The following WNK1 variants were observed in gnomAD, a reference collection of about 807,000 sequenced individuals.
The protein encoded by WNK1 is serine/threonine-protein kinase WNK1.
WNK1 carries 38 observed loss-of-function variants against 222.8 expected under a neutral mutation model. That is an observed-to-expected ratio of 0.17 (90% CI 0.13 to 0.22). The LOEUF (loss-of-function observed/expected upper bound fraction) is 0.22. Ranked by LOEUF, WNK1 falls within the 10% of genes least tolerant of loss-of-function variation. The probability of loss-of-function intolerance (pLI) is 1.00; values close to 1 mark genes in which losing one functional copy is unlikely to be tolerated. For missense variants in WNK1, 2,348 were observed against 2,918.4 expected, an observed-to-expected ratio of 0.80 and a Z score of 4.50; for synonymous variants, 1,090 against 1,092.9, an observed-to-expected ratio of 1.00 and a Z score of 0.05.
rs936429012 is a variant in WNK1 at position 908,480 on chromosome 12, T to C, written c.6837T>C (p.Pro2279=). The C allele has an allele frequency of 1.9e-6, 3 of 1,614,214 alleles. No individual in the cohort carries two copies. In the Admixed American group the frequency reaches 5.0e-5, roughly 27 times the overall value. ...GSKGHMNYEG[P]GMARKFSAPG... is the part of the protein sequence containing the mutation. ...CGTGGTGGTTTTGTTTTCAGGGCCC[T>C]GGAATGGCAAGGAAGTTCTCTGCAC... is the stretch of plus-strand genomic sequence containing the variant. Residue 2279 remains proline (P), a synonymous_variant, in exon 28 of 28, where the codon CCT becomes CCC. Transcript: ENST00000315939.
rs539144395 is a variant in WNK1, at chr12:831,937, C to T, written c.1311+1777C>T. Reference sequence around the variant, plus strand: ...TGGTGCTGTATATGTTATATTGCACCGAGAAGCTCATAGTATCTCATTATT... The same window carrying T: ...TGGTGCTGTATATGTTATATTGCACTGAGAAGCTCATAGTATCTCATTATT... On this transcript the variant is annotated intron_variant, in intron 4 of 27. Coordinates refer to ENST00000315939, the MANE Select transcript of WNK1 (RefSeq NM_018979.4). Among the ~76,000 whole-genome samples the T allele has an allele frequency of 1.8e-4, 28 of 151,482 alleles. 1 individual carries two copies. The highest frequency in any genetic ancestry group is 6.3e-4 in the South Asian group (3 of 4,796).
chr12:820,633 C>G (rs1038440915), intron 2 of WNK1, among the ~76,000 whole-genome samples: 1 of 151,880 alleles, frequency 6.6e-6, no homozygotes, highest in African/African-American at 2.4e-5. Flanking sequence ...TACCACCATG[C>G]CTGGCTAATT....
At chr12:773,577 C>T (rs1375369062) in intron 1 of WNK1, among the ~76,000 whole-genome samples, 1 of 152,108 alleles carries the variant, frequency 6.6e-6, no homozygotes, top group Non-Finnish European at 1.5e-5. Flanking sequence ...CACTAAAAGA[C>T]AATGTCGATA....
At position 757,765 on chromosome 12, in the gene WNK1, C is replaced by T. The variant is rs927055869; in HGVS notation, c.759+3441C>T. On this transcript the variant is annotated intron_variant, in intron 1 of 27. Transcript: ENST00000315939. Reference sequence around the variant, plus strand: ...AAGAAAACATTGATGGAGCCGGGTGCGGTGGCTCACGCCTGTAATCCCAGC... The same window carrying T: ...AAGAAAACATTGATGGAGCCGGGTGTGGTGGCTCACGCCTGTAATCCCAGC... 4.4e-4 allele frequency among the ~76,000 whole-genome samples: 65 copies of T among 147,046 alleles called. 1 individual carries two copies. Among genetic ancestry groups the T allele is most frequent in the African/African-American group, 1.4e-3 (56 of 41,106 alleles).
At chr12:864,757 G>A (rs1951499651) in intron 8 of WNK1, among the ~76,000 whole-genome samples, 1 of 152,164 alleles carries the variant, frequency 6.6e-6, no homozygotes, top group Admixed American at 6.5e-5. Context: ...AAAGTTGCAA[G>A]CTAATATTCA....
At chr12:844,005 C>T (rs1330252895) in intron 4 of WNK1, among the ~76,000 whole-genome samples, 3 of 151,988 alleles carry the variant, frequency 2.0e-5, no homozygotes, top group African/African-American at 7.3e-5. Context: ...TTCAGTCATT[C>T]ATGTAAACTT....
At chr12:906,358 C>T in intron 26 of WNK1, 2 of 985,258 alleles carry the variant, frequency 2.0e-6, no homozygotes. Flanking sequence ...GCATAGACTC[C>T]CTCCTCTCTC....
At position 879,598 on chromosome 12, in the gene WNK1, C is replaced by T; in HGVS notation, c.2399C>T (p.Thr800Ile). Residue 800 changes from threonine (T) to isoleucine (I), a missense_variant, in exon 11 of 28, where the codon ACT becomes ATT. Thr to Ile is a moderately conservative substitution (Grantham distance 89). Coordinates refer to ENST00000315939, the MANE Select transcript of WNK1 (RefSeq NM_018979.4). ...CTTCCAGTTTCCCAGCCAGTACCAA[C>T]TATCCAAGGCGAACCTCAGATCCCA... ...KQLPVSQPVP[T>I]IQGEPQIPVA... The T allele has an allele frequency of 6.9e-7, 1 of 1,458,864 alleles. No homozygotes were observed. Among genetic ancestry groups the T allele is most frequent in the Non-Finnish European group, 9.2e-7 (1 of 1,085,676 alleles). 90.4% of individuals were successfully genotyped at this position (1,458,864 alleles called of 1,614,324 possible).
At chr12:868,542 G>C in intron 8 of WNK1, 1 of 1,613,854 alleles carries the variant, frequency 6.2e-7, no homozygotes, top group Non-Finnish European at 8.5e-7. Context: ...GATGCTACAC[G>C]TTTGAAATTT....
chr12:863,806 T>C lies in WNK1; in HGVS notation c.2139+1536T>C, dbSNP rs1951403005. Among the ~76,000 whole-genome samples, 3 of 152,292 alleles carry C rather than the reference T, an allele frequency of 2.0e-5. No individual in the cohort carries two copies. The South Asian group carries it at 6.2e-4, about 32-fold the overall frequency. ...TCTTGTCTCATTTCAGGAATGTGGC[T>C]TACAATAATATGGACAAATTATAAG... On this transcript the variant is annotated intron_variant, in intron 8 of 27. Transcript: ENST00000315939.
chr12:842,051 G>A (rs1321522805), intron 4 of WNK1, among the ~76,000 whole-genome samples: 1 of 152,170 alleles, frequency 6.6e-6, no homozygotes, highest in African/African-American at 2.4e-5. Context: ...ATCGTTGTTT[G>A]TATTCATTGT....
chr12:766,904 G>A (rs1032554924), intron 1 of WNK1, among the ~76,000 whole-genome samples: 1 of 152,062 alleles, frequency 6.6e-6, no homozygotes, highest in Non-Finnish European at 1.5e-5. Flanking sequence ...AGCCTCCCAA[G>A]CAGCTGGGAT....
chr12:757,820 G>A (rs1233094821), intron 1 of WNK1, among the ~76,000 whole-genome samples: 5 of 146,580 alleles, frequency 3.4e-5, no homozygotes, highest in East Asian at 3.9e-4. Flanking sequence ...GGTGGATCAC[G>A]CGGTCAGGAG....
intron 8 of WNK1, among the ~76,000 whole-genome samples, chr12:866,403 G>A (rs141510878): frequency 0.027 from 4,130 of 152,130 alleles, 159 homozygotes; most frequent in African/African-American, 0.088. Context: ...TCGCTCTGTC[G>A]CCAGGCTGGA....
chr12:774,725 T>C (rs1942912704), intron 1 of WNK1, among the ~76,000 whole-genome samples: 1 of 152,244 alleles, frequency 6.6e-6, no homozygotes, highest in African/African-American at 2.4e-5. Flanking sequence ...TCTTATTTTA[T>C]TAACCCCATT....
In WNK1 at chr12:878,214, G is replaced by A; in HGVS notation, c.2226G>A (p.Gln742=). ...GAATCATTGTATTTTATTCTTAGCAGCAGGGAATACAGCAGACAGCCCCTC... is the reference window on the plus strand; with the variant it reads ...GAATCATTGTATTTTATTCTTAGCAACAGGGAATACAGCAGACAGCCCCTC... The part of the protein sequence containing the change: ...SSQPIQHPQQ[Q]QGIQQTAPPQ... The change falls in exon 10 of 28, where the codon CAG becomes CAA. Residue 742 remains glutamine (Q), a splice_region_variant and synonymous_variant. Coordinates refer to ENST00000315939, the MANE Select transcript of WNK1 (RefSeq NM_018979.4). 1 of 1,614,066 alleles carries A rather than the reference G, an allele frequency of 6.2e-7. No individual in the cohort carries two copies. The highest frequency in any genetic ancestry group is 8.5e-7 in the Non-Finnish European group (1 of 1,180,012).
chr12:813,242 C>T (rs10774464), intron 1 of WNK1, among the ~76,000 whole-genome samples: 74,582 of 152,032 alleles, frequency 0.49, 18,980 homozygotes, highest in East Asian at 0.81. Context: ...TTTAAACAAA[C>T]AAACAAAAAT....
Position 758,373 on chromosome 12 carries a change from C to CTTTTTTTT in WNK1, c.759+4067_759+4074dup, listed in dbSNP as rs397957357. Among the ~76,000 whole-genome samples the CTTTTTTTT allele has an allele frequency of 1.6e-3, 105 of 64,726 alleles. 10 individuals are homozygous for CTTTTTTTT. Among genetic ancestry groups the CTTTTTTTT allele is most frequent in the South Asian group, 3.0e-3 (4 of 1,336 alleles). The allele number at this position is 64,726 out of a possible 152,430, so 42.5% of individuals were successfully genotyped here. A position where few individuals can be genotyped will look rare whatever the true frequency, so the allele number is the denominator to read the frequency against. On this transcript the variant is annotated intron_variant, in intron 1 of 27. Coordinates refer to ENST00000315939, the MANE Select transcript of WNK1 (RefSeq NM_018979.4). ...CATCATTTATTTCTTTGCTATAGTT[C>CTTTTTTTT]TTTTTTTTTTTTTTTTTTTTTTTTT...
Position 890,436 on chromosome 12 carries a change from CTG to C in WNK1, c.5449-9_5449-8del, listed in dbSNP as rs776213505. Reference sequence around the variant, plus strand: ...GAAGCTAAAGATTTGTGGTGTCTGTCTGTGTGTGTTTTACAGCCTGTGTCCAT... The same window carrying C: ...GAAGCTAAAGATTTGTGGTGTCTGTCTGTGTGTTTTACAGCCTGTGTCCAT... On this transcript the variant is annotated splice_polypyrimidine_tract_variant and intron_variant, in intron 21 of 27. Coordinates refer to ENST00000315939, the MANE Select transcript of WNK1 (RefSeq NM_018979.4). 5.6e-6 allele frequency: 9 copies of C among 1,614,098 alleles called. No individual in the cohort carries two copies. The South Asian group carries it at 8.8e-5, about 16-fold the overall frequency.
Sources: gnomAD v4.1 joint callset for allele counts (sites outside exome capture counted in the v4.1 genomes callset) on GRCh38, gnomAD v4.1.1 for gene constraint, MANE v1.5 for transcripts, NCBI Gene and HGNC (gene_info 2026-07-23, HGNC 2026-07-21) for gene names.